PTPRT: variants seen among roughly 807,000 people sequenced by gnomAD.
The protein encoded by PTPRT is receptor-type tyrosine-protein phosphatase T.
PTPRT carries 56 observed loss-of-function variants against 176.8 expected under a neutral mutation model. The observed-to-expected ratio is 0.32, with a 90% confidence interval of 0.26 to 0.40. The LOEUF (loss-of-function observed/expected upper bound fraction) is 0.40. Ranked by LOEUF, PTPRT falls within the 10% of genes least tolerant of loss-of-function variation. The probability of loss-of-function intolerance (pLI) is 1.00; values close to 1 mark genes in which losing one functional copy is unlikely to be tolerated. For missense variants in PTPRT, 1,540 were observed against 1,908.2 expected, an observed-to-expected ratio of 0.81 and a Z score of 3.60; for synonymous variants, 783 against 739.0, an observed-to-expected ratio of 1.06 and a Z score of -0.96.
chr20:42,481,751 T>C (rs1222768319), intron 7 of PTPRT, among the ~76,000 whole-genome samples: 3 of 150,332 alleles, frequency 2.0e-5, no homozygotes, highest in Non-Finnish European at 3.0e-5. Context: ...ACCGTGTCTC[T>C]AAAAGAAAAA....
chr20:42,948,963 A>T (rs1302843845), intron 1 of PTPRT, among the ~76,000 whole-genome samples: 4 of 152,206 alleles, frequency 2.6e-5, no homozygotes, highest in African/African-American at 9.6e-5. Flanking sequence ...ATCTGGCTTG[A>T]TTAAAAGAGC....
intron 1 of PTPRT, among the ~76,000 whole-genome samples, chr20:42,931,985 G>A (rs1979882014): frequency 6.6e-6 from 1 of 152,222 alleles, no homozygotes; most frequent in South Asian, 2.1e-4. Context: ...ATGCAGGCTG[G>A]AAACCACTAT....
chr20:42,739,872 G>T (rs1040247662), intron 6 of PTPRT, among the ~76,000 whole-genome samples: 1 of 152,170 alleles, frequency 6.6e-6, no homozygotes, highest in African/African-American at 2.4e-5. Context: ...ATGCCAGTGG[G>T]AGCCCCACCT....
At chr20:42,474,344 T>C (rs936565333) in intron 7 of PTPRT, among the ~76,000 whole-genome samples, 8 of 152,156 alleles carry the variant, frequency 5.3e-5, no homozygotes, top group Admixed American at 1.3e-4. Context: ...GGGGAAAATA[T>C]CCTGTAACTT....
chr20:42,620,698 A>G (rs199648057), intron 7 of PTPRT, among the ~76,000 whole-genome samples: 17 of 152,136 alleles, frequency 1.1e-4, no homozygotes, highest in African/African-American at 3.1e-4. Context: ...GGAGTGACCC[A>G]ATTTTCCAGG....
At chr20:43,160,857 C>T (rs1315469817) in intron 1 of PTPRT, among the ~76,000 whole-genome samples, 2 of 151,048 alleles carry the variant, frequency 1.3e-5, no homozygotes, top group East Asian at 1.9e-4. Context: ...GGTGGTTTCA[C>T]GAAACTCACC....
At chr20:43,019,319 G>C (rs554093431) in intron 1 of PTPRT, among the ~76,000 whole-genome samples, 1 of 152,184 alleles carries the variant, frequency 6.6e-6, no homozygotes, top group African/African-American at 2.4e-5. Context: ...TTTGGCATTT[G>C]ATTAGAATAA....
chr20:43,064,197 T>C (rs1239686101), intron 1 of PTPRT, among the ~76,000 whole-genome samples: 3 of 152,160 alleles, frequency 2.0e-5, no homozygotes, highest in African/African-American at 7.2e-5. Context: ...AGACTTTATA[T>C]GATAATGGCA....
In PTPRT at chr20:43,188,755, G is replaced by GA. The variant is rs1359739293; in HGVS notation, c.88+890_88+891insT. Among the ~76,000 whole-genome samples, 8 of 150,804 alleles carry GA rather than the reference G, an allele frequency of 5.3e-5. 1 individual carries two copies. The East Asian group carries it at 5.9e-4, about 11-fold the overall frequency. On this transcript the variant is annotated intron_variant, in intron 1 of 30. Transcript: ENST00000373187. ...TTCCCTCCGCCGCTACTCTTGGGGG[G>GA]GGGGGGGCTCGGGGGTGGAAGCTGC... is the stretch of plus-strand genomic sequence containing the variant.
chr20:42,350,570 A>T, intron 11 of PTPRT, 58 bp downstream of exon 11: 1 of 1,333,710 alleles, frequency 7.5e-7, no homozygotes. Flanking sequence ...ATTCAACTGG[A>T]GGCCCATGTG....
At position 42,363,994 on chromosome 20, in the gene PTPRT, C is replaced by CA. The variant is rs564360830; in HGVS notation, c.1561-11710dup. Among the ~76,000 whole-genome samples, 24 of 152,220 alleles carry CA rather than the reference C, an allele frequency of 1.6e-4. No individual in the cohort carries two copies. In the South Asian group the frequency reaches 4.6e-3, roughly 29 times the overall value. On this transcript the variant is annotated intron_variant, in intron 9 of 30. Coordinates refer to ENST00000373187, the MANE Select transcript of PTPRT (RefSeq NM_007050.6). ...CAAAGACATGTTAGGAGTATTTGGA[C>CA]AGGCAGAGAGAGCTTTTGAGTGCAT...
intron 2 of PTPRT, among the ~76,000 whole-genome samples, chr20:42,875,683 G>A (rs184422865): frequency 3.9e-5 from 6 of 152,250 alleles, no homozygotes; most frequent in Admixed American, 1.3e-4. Context: ...TGAATACAGT[G>A]GCATAAAAAG....
chr20:42,591,469 A>G (rs1329147759), intron 7 of PTPRT, among the ~76,000 whole-genome samples: 1 of 152,164 alleles, frequency 6.6e-6, no homozygotes, highest in Admixed American at 6.5e-5. Context: ...AACTCTCACT[A>G]AGATGGAAGT....
chr20:42,453,674 C>CTTTT, intron 8 of PTPRT, among the ~76,000 whole-genome samples: 1 of 136,650 alleles, frequency 7.3e-6, no homozygotes, highest in Non-Finnish European at 1.5e-5. Context: ...TTTTTCTTTT[C>CTTTT]TTTTTTTTTT....
intron 9 of PTPRT, among the ~76,000 whole-genome samples, chr20:42,366,039 T>C (rs969132007): frequency 4.6e-5 from 7 of 152,220 alleles, no homozygotes; most frequent in Non-Finnish European, 1.5e-5. Flanking sequence ...ACTTCCCTCC[T>C]GCTCCAGGGG....
At chr20:42,939,199 C>A (rs1192235181) in intron 1 of PTPRT, among the ~76,000 whole-genome samples, 1 of 152,202 alleles carries the variant, frequency 6.6e-6, no homozygotes, top group Non-Finnish European at 1.5e-5. Flanking sequence ...AATGCTTAAA[C>A]ATTTCGTCAA....
chr20:42,855,709 G>C (rs954731888), intron 2 of PTPRT, among the ~76,000 whole-genome samples: 1 of 152,020 alleles, frequency 6.6e-6, no homozygotes, highest in African/African-American at 2.4e-5. Context: ...TGGTATTACA[G>C]GCATGAGCCA....
At chr20:42,372,774 A>T (rs2058604063) in intron 9 of PTPRT, among the ~76,000 whole-genome samples, 1 of 152,090 alleles carries the variant, frequency 6.6e-6, no homozygotes, top group South Asian at 2.1e-4. Context: ...CCCCAGAGAG[A>T]CACCTTTCCT....
At chr20:42,951,559 G>A (rs1278879880) in intron 1 of PTPRT, among the ~76,000 whole-genome samples, 3 of 152,152 alleles carry the variant, frequency 2.0e-5, no homozygotes, top group Admixed American at 6.5e-5. Flanking sequence ...TTCAGCACTG[G>A]ATATCTGAGA....
Sources: allele counts gnomAD v4.1 joint callset (sites outside exome capture counted in the v4.1 genomes callset), GRCh38; gene constraint gnomAD v4.1.1; transcripts MANE v1.5; gene names NCBI Gene and HGNC (gene_info 2026-07-23, HGNC 2026-07-21).